Variants in TUSC3 observed in about 807,000 individuals in gnomAD.
The protein encoded by TUSC3 is dolichyl-diphosphooligosaccharide--protein glycosyltransferase subunit TUSC3.
TUSC3 carries 45 observed loss-of-function variants against 44.8 expected under a neutral mutation model. The ratio of observed to expected loss-of-function variants is 1.00; its 90% CI spans 0.79 to 1.29. The LOEUF (loss-of-function observed/expected upper bound fraction) is 1.29. Ranked by LOEUF, TUSC3 falls within the 50% of genes most tolerant of loss-of-function variation. The pLI, the probability that TUSC3 is intolerant of heterozygous loss-of-function variation, is 0.00. For missense variants in TUSC3, 519 were observed against 437.9 expected (o/e 1.19, Z -1.65); for synonymous variants, 212 against 152.9 (o/e 1.39, Z -2.85).
chr8:15,715,747 G>GA (rs200110596), intron 6 of TUSC3, among the ~76,000 whole-genome samples: 8 of 149,484 alleles, frequency 5.4e-5, no homozygotes, highest in East Asian at 3.9e-4. Flanking sequence ...CTCTATTTTA[G>GA]AAAAAAAAAT....
intron 1 of TUSC3, among the ~76,000 whole-genome samples, chr8:15,589,358 G>A (rs1412726296): frequency 2.0e-5 from 3 of 152,070 alleles, no homozygotes; most frequent in Non-Finnish European, 2.9e-5. Flanking sequence ...TGATCCATAC[G>A]CATGTTAAAG....
At chr8:15,424,757 G>A (rs1008151364) in intron 1 of TUSC3, among the ~76,000 whole-genome samples, 2 of 152,078 alleles carry the variant, frequency 1.3e-5, no homozygotes, top group African/African-American at 4.8e-5. Context: ...GCACATGCCT[G>A]TGGGCCCGGC....
chr8:15,814,501 T>G, the TUSC3 span, among the ~76,000 whole-genome samples: 1 of 152,204 alleles, frequency 6.6e-6, no homozygotes, highest in Non-Finnish European at 1.5e-5. Flanking sequence ...TACATTTGAT[T>G]CAACAATTAG....
At chr8:15,737,359 A>T (rs1362262032) in intron 7 of TUSC3, among the ~76,000 whole-genome samples, 1 of 152,164 alleles carries the variant, frequency 6.6e-6, no homozygotes, top group Non-Finnish European at 1.5e-5. Context: ...TTGAGAAGGG[A>T]TTATAATGTT....
intron 2 of TUSC3, among the ~76,000 whole-genome samples, chr8:15,645,591 G>A (rs913790301): frequency 2.0e-5 from 3 of 152,052 alleles, no homozygotes; most frequent in Non-Finnish European, 2.9e-5. Flanking sequence ...AGTGGAGACT[G>A]TGAGGTATAC....
the TUSC3 span, among the ~76,000 whole-genome samples, chr8:15,848,832 G>C: frequency 6.6e-6 from 1 of 152,154 alleles, no homozygotes; most frequent in Non-Finnish European, 1.5e-5. Flanking sequence ...CTTAAAACAA[G>C]GAGGTTGAAT....
chr8:15,814,454 T>A, the TUSC3 span, among the ~76,000 whole-genome samples: 13 of 152,190 alleles, frequency 8.5e-5, no homozygotes. Context: ...GATGCCTGAT[T>A]TTAAGCTACT....
chr8:15,492,380 TA>T (rs1030181336), intron 2 of TUSC3, among the ~76,000 whole-genome samples: 5 of 152,156 alleles, frequency 3.3e-5, no homozygotes, highest in African/African-American at 9.7e-5. Flanking sequence ...CTTTATTATT[TA>T]AAAAACTTAT....
chr8:15,590,872 C>G (rs1346121623), intron 1 of TUSC3, among the ~76,000 whole-genome samples: 1 of 151,962 alleles, frequency 6.6e-6, no homozygotes, highest in Non-Finnish European at 1.5e-5. Flanking sequence ...CGGAGTTTTG[C>G]TATGTTGCCC....
At chr8:15,494,152 G>A (rs185130068) in intron 2 of TUSC3, among the ~76,000 whole-genome samples, 27 of 152,154 alleles carry the variant, frequency 1.8e-4, no homozygotes, top group African/African-American at 5.5e-4. Context: ...GCTGTTTCGA[G>A]TTGTCTTTCC....
chr8:15,614,568 C>G (rs1338386933), intron 1 of TUSC3, among the ~76,000 whole-genome samples: 1 of 152,090 alleles, frequency 6.6e-6, no homozygotes, highest in African/African-American at 2.4e-5. Context: ...TGTCTGGCTT[C>G]TTTCAGTGAA....
At chr8:15,756,554 G>A (rs1249207789) in intron 9 of TUSC3, among the ~76,000 whole-genome samples, 1 of 151,942 alleles carries the variant, frequency 6.6e-6, no homozygotes, top group Non-Finnish European at 1.5e-5. Context: ...AGATTATAAG[G>A]TATTTGTGTC....
chr8:15,587,744 C>T (rs1390559954), intron 1 of TUSC3, among the ~76,000 whole-genome samples: 1 of 152,064 alleles, frequency 6.6e-6, no homozygotes, highest in Non-Finnish European at 1.5e-5. Context: ...ATTTCACAGC[C>T]TCTAATAACC....
chr8:15,784,181 A>G, the TUSC3 span, among the ~76,000 whole-genome samples: 2 of 152,162 alleles, frequency 1.3e-5, no homozygotes, highest in African/African-American at 4.8e-5. Context: ...TATGATTTTT[A>G]AACAATGAAA....
chr8:15,550,108 C>T (rs1431363237), intron 1 of TUSC3, among the ~76,000 whole-genome samples: 1 of 151,758 alleles, frequency 6.6e-6, no homozygotes, highest in Non-Finnish European at 1.5e-5. Flanking sequence ...GGGATTTTCA[C>T]AATGCTTTTC....
chr8:15,795,115 C>G, the TUSC3 span, among the ~76,000 whole-genome samples: 1 of 152,102 alleles, frequency 6.6e-6, no homozygotes, highest in South Asian at 2.1e-4. Flanking sequence ...CAACAAGATT[C>G]CAAGCAGCAG....
At chr8:15,434,579 A>T (rs757531778) in intron 1 of TUSC3, among the ~76,000 whole-genome samples, 3 of 145,448 alleles carry the variant, frequency 2.1e-5, no homozygotes, top group Non-Finnish European at 3.0e-5. Flanking sequence ...TGTGCACAAC[A>T]TGGTGGTTTG....
chr8:15,827,494 T>A, the TUSC3 span, among the ~76,000 whole-genome samples: 1 of 152,288 alleles, frequency 6.6e-6, no homozygotes, highest in African/African-American at 2.4e-5. Context: ...TTTCTCATTA[T>A]TATACAAATG....
At chr8:15,762,502 G>A (rs1014460433) in intron 10 of TUSC3, among the ~76,000 whole-genome samples, 6 of 151,970 alleles carry the variant, frequency 3.9e-5, no homozygotes, top group African/African-American at 1.4e-4. Context: ...AAGTTAGAAG[G>A]TATAAAATTA....
Sources: gnomAD v4.1 joint callset for allele counts (sites outside exome capture counted in the v4.1 genomes callset) on GRCh38, gnomAD v4.1.1 for gene constraint, MANE v1.5 for transcripts, NCBI Gene and HGNC (gene_info 2026-07-23, HGNC 2026-07-21) for gene names.